RAB3IL1: variants seen among roughly 807,000 people sequenced by gnomAD.
RAB3IL1 encodes the protein RAB3A interacting protein like 1.
RAB3IL1 carries 37 observed loss-of-function variants against 49.2 expected under a neutral mutation model. That is an observed-to-expected ratio of 0.75 (90% CI 0.58 to 0.99). The LOEUF is 0.99. RAB3IL1 is among the 50% of genes least tolerant of loss of function. The probability of loss-of-function intolerance (pLI) is 0.00; values close to 1 mark genes in which losing one functional copy is unlikely to be tolerated. For synonymous variants in RAB3IL1, 193 were observed against 213.9 expected (o/e 0.90, Z 0.85); for missense variants, 484 against 513.0 (o/e 0.94, Z 0.55).
chr11:61,942,554 A>G, the RAB3IL1 span, among the ~76,000 whole-genome samples: 1 of 152,234 alleles, frequency 6.6e-6, no homozygotes, highest in Non-Finnish European at 1.5e-5. Context: ...GATGACATGC[A>G]TGAACCACTG....
In RAB3IL1 at chr11:61,902,451, G is replaced by A; in HGVS notation, c.990C>T (p.Ser330=). ...SKSHYYISPS[S]RARITAVCNF... ...GCAAAGGCTGACTCACCCTGGCCCG[G>A]GAAGATGGCGAGATGTAGTAATGGC... is the stretch of plus-strand genomic sequence containing the variant. Residue 330 remains serine, a synonymous_variant, in exon 8 of 10, where the codon TCC becomes TCT. Transcript: ENST00000394836. 1 of 1,592,496 alleles carries A rather than the reference G, an allele frequency of 6.3e-7. No homozygotes were observed.
upstream of RAB3IL1, among the ~76,000 whole-genome samples, chr11:61,925,091 T>C (rs1466472255): frequency 6.6e-6 from 1 of 152,220 alleles, no homozygotes; most frequent in African/African-American, 2.4e-5. Context: ...TGTTCATCCT[T>C]GCAGCGGCCC....
chr11:61,914,390 A>G (rs188427158), intron 1 of RAB3IL1, among the ~76,000 whole-genome samples: 82 of 152,342 alleles, frequency 5.4e-4, no homozygotes, highest in African/African-American at 1.9e-3. Flanking sequence ...AGGGGGCTGG[A>G]ACAGTGTCAT....
chr11:61,904,497 G>T, intron 7 of RAB3IL1, 49 bp downstream of exon 7: 1 of 1,520,448 alleles, frequency 6.6e-7, no homozygotes, highest in Non-Finnish European at 9.0e-7. Context: ...CACACGGCTT[G>T]GCGGGGCTTT....
the RAB3IL1 span, among the ~76,000 whole-genome samples, chr11:61,936,258 A>C: frequency 6.6e-6 from 1 of 152,362 alleles, no homozygotes; most frequent in South Asian, 2.1e-4. Context: ...ATAATGGCCC[A>C]AAACTTCCAA....
In RAB3IL1 at chr11:61,904,880, C is replaced by T. The variant is rs1302146803; in HGVS notation, c.660G>A (p.Val220=). 1 of 1,593,384 alleles carries T rather than the reference C, an allele frequency of 6.3e-7. No homozygotes were observed. Among genetic ancestry groups the T allele is most frequent in the Non-Finnish European group, 8.5e-7 (1 of 1,169,812 alleles). The change falls in exon 6 of 10, where the codon GTG becomes GTA. Residue 220 remains valine (V), a splice_region_variant and synonymous_variant. Transcript: ENST00000394836. ...TLTPDREGKE[V]DTILFAEFQA... ...GGAACTCTGCAAACAGGATTGTGTC[C>T]ACCTGTGGGGGAGGGCAAGCGAGGG... is the stretch of plus-strand genomic sequence containing the variant.
chr11:61,927,416 G>A, the RAB3IL1 span, among the ~76,000 whole-genome samples: 1 of 152,180 alleles, frequency 6.6e-6, no homozygotes, highest in East Asian at 1.9e-4. Context: ...TCAGGTACAA[G>A]GATAGGGGAA....
Position 61,906,770 on chromosome 11 carries a change from T to C in RAB3IL1, c.439-86A>G. On this transcript the variant is annotated intron_variant, in intron 4 of 9. Coordinates refer to ENST00000394836, the MANE Select transcript of RAB3IL1 (RefSeq NM_013401.4). The surrounding 1 kb of genome is among the most constrained non-coding windows in gnomAD (Gnocchi z 4.6). The stretch of plus-strand genomic sequence containing the variant: ...CGCCTATCAGCCTAACTCAGGACAA[T>C]GCACCCCTGCAGTGACAGGCACTTA... 1 of 1,276,092 alleles carries C rather than the reference T, an allele frequency of 7.8e-7. No individual in the cohort carries two copies. 79.0% of individuals were successfully genotyped at this position (1,276,092 alleles called of 1,614,324 possible).
the RAB3IL1 span, among the ~76,000 whole-genome samples, chr11:61,944,726 C>T: frequency 7.2e-3 from 1,097 of 152,284 alleles, 8 homozygotes; most frequent in Non-Finnish European, 8.3e-3. Flanking sequence ...CACGGAGTTT[C>T]GCTCTTGTCA....
At chr11:61,926,089 T>C in the RAB3IL1 span, among the ~76,000 whole-genome samples, 1 of 120,252 alleles carries the variant, frequency 8.3e-6, no homozygotes, top group Non-Finnish European at 1.6e-5. Flanking sequence ...AAAGCTGCTT[T>C]ATGCTCCTTC....
the RAB3IL1 span, among the ~76,000 whole-genome samples, chr11:61,935,746 C>T: frequency 6.6e-6 from 1 of 151,920 alleles, no homozygotes; most frequent in Non-Finnish European, 1.5e-5. Flanking sequence ...AACTCCTGGC[C>T]TCAGGTGATC....
intron 1 of RAB3IL1, among the ~76,000 whole-genome samples, chr11:61,916,644 C>T (rs1419382359): frequency 2.0e-5 from 3 of 152,198 alleles, no homozygotes; most frequent in African/African-American, 7.2e-5. Context: ...TTCCCGGCCA[C>T]GGGGAAGAGG....
chr11:61,924,603 G>A (rs1402886291), upstream of RAB3IL1, among the ~76,000 whole-genome samples: 1 of 152,088 alleles, frequency 6.6e-6, no homozygotes, highest in Non-Finnish European at 1.5e-5. Context: ...ACAAATATAT[G>A]GAAGCTAGTT....
At chr11:61,911,761 C>T (rs977972328) in intron 1 of RAB3IL1, among the ~76,000 whole-genome samples, 3 of 152,192 alleles carry the variant, frequency 2.0e-5, no homozygotes, top group Non-Finnish European at 4.4e-5. Flanking sequence ...ACCCAGCCAA[C>T]ATCCCCCATC....
rs1194225873 is a variant in RAB3IL1, at chr11:61,904,926, G to C, written c.658-44C>G. 4.8e-6 allele frequency: 7 copies of C among 1,462,346 alleles called. No homozygotes were observed. In the Admixed American group the frequency reaches 9.9e-5, roughly 21 times the overall value. 90.6% of individuals were successfully genotyped at this position (1,462,346 alleles called of 1,614,324 possible). A position where few individuals can be genotyped will look rare whatever the true frequency, so the allele number is the denominator to read the frequency against. ...GAGGGTGGGGGCGGTCAGGGTACTG[G>C]GGCCAGCATAGAAGATGCAGGCTGA... On this transcript the variant is annotated intron_variant, in intron 5 of 9. Transcript: ENST00000394836.
At chr11:61,924,746 C>G (rs956920077), upstream of RAB3IL1, among the ~76,000 whole-genome samples, 5 of 152,076 alleles carry the variant, frequency 3.3e-5, no homozygotes, top group African/African-American at 1.2e-4. Flanking sequence ...CAACAGTTCC[C>G]GGTAATGAAA....
upstream of RAB3IL1, among the ~76,000 whole-genome samples, chr11:61,920,848 G>A (rs540884471): frequency 9.8e-5 from 15 of 152,286 alleles, no homozygotes; most frequent in Non-Finnish European, 1.3e-4. Flanking sequence ...GCTTGAACCC[G>A]GGAGGCGGAG....
At chr11:61,945,371 C>T in the RAB3IL1 span, among the ~76,000 whole-genome samples, 1 of 152,334 alleles carries the variant, frequency 6.6e-6, no homozygotes, top group Admixed American at 6.5e-5. Context: ...CACCGCAGCG[C>T]TAAACACGGT....
At chr11:61,910,709 A>C (rs1939419768) in intron 1 of RAB3IL1, among the ~76,000 whole-genome samples, 1 of 152,142 alleles carries the variant, frequency 6.6e-6, no homozygotes, top group East Asian at 1.9e-4. Flanking sequence ...CCTTGCCAAG[A>C]AGACTTCCCC....
Sources: allele counts gnomAD v4.1 joint callset (sites outside exome capture counted in the v4.1 genomes callset), GRCh38; gene constraint gnomAD v4.1.1; non-coding constraint Gnocchi (gnomAD v3.1); transcripts MANE v1.5; gene names NCBI Gene and HGNC (gene_info 2026-07-23, HGNC 2026-07-21).